Variants in HYDIN observed in about 807,000 individuals in gnomAD.
HYDIN encodes the protein axonemal central pair apparatus protein HYDIN.
HYDIN carries 132 observed loss-of-function variants against 403.9 expected under a neutral mutation model. The ratio of observed to expected loss-of-function variants is 0.33; its 90% CI spans 0.28 to 0.38. HYDIN has a LOEUF of 0.38. Ranked by LOEUF, HYDIN falls within the 10% of genes least tolerant of loss-of-function variation. The probability of loss-of-function intolerance (pLI) is 1.00; values close to 1 mark genes in which losing one functional copy is unlikely to be tolerated. For missense variants in HYDIN, 2,827 were observed against 5,009.5 expected (o/e 0.56, Z 13.15); for synonymous variants, 1,202 against 1,891.7 (o/e 0.64, Z 9.46).
intron 5 of HYDIN, among the ~76,000 whole-genome samples, chr16:71,171,199 C>T (rs897517237): frequency 1.3e-5 from 2 of 152,164 alleles, no homozygotes; most frequent in African/African-American, 2.4e-5. Context: ...TTGCTGTTCC[C>T]GCTCCTAGAC....
At chr16:71,145,446 G>A (rs2085331260) in intron 7 of HYDIN, among the ~76,000 whole-genome samples, 1 of 151,878 alleles carries the variant, frequency 6.6e-6, no homozygotes, top group Non-Finnish European at 1.5e-5. Flanking sequence ...GTAGAGATGG[G>A]GTTTCACCAT....
chr16:71,227,683 A>T (rs755699708), intron 1 of HYDIN, among the ~76,000 whole-genome samples: 2 of 152,270 alleles, frequency 1.3e-5, no homozygotes, highest in Non-Finnish European at 2.9e-5. Flanking sequence ...ATGGAAGAAC[A>T]TTCCATGCTC....
intron 62 of HYDIN, among the ~76,000 whole-genome samples, chr16:70,878,053 C>T (rs1343570061): frequency 6.6e-6 from 1 of 152,182 alleles, no homozygotes; most frequent in Non-Finnish European, 1.5e-5. Flanking sequence ...CAAGTCTCAT[C>T]TTGAATTGTA....
rs1459010616 is a variant in HYDIN, at chr16:70,947,334, T to G, written c.6532-3385A>C. Among the ~76,000 whole-genome samples, 4 of 150,950 alleles carry G rather than the reference T, an allele frequency of 2.6e-5. No individual in the cohort carries two copies. In the East Asian group the frequency reaches 5.8e-4, roughly 22 times the overall value. Reference sequence around the variant, plus strand: ...TGTCTTTGGTTCTGTTTATATGCTGTATTACATTTACTGATTTGCGTATAT... The same window carrying G: ...TGTCTTTGGTTCTGTTTATATGCTGGATTACATTTACTGATTTGCGTATAT... On this transcript the variant is annotated intron_variant, in intron 41 of 85. Transcript: ENST00000393567.
rs957810065 is a variant in HYDIN at position 71,059,363 on chromosome 16, G to T, written c.2529+1141C>A. On this transcript the variant is annotated intron_variant, in intron 18 of 85. Transcript: ENST00000393567. ...AGTTTCAATCTCCTGCATATGACTA[G>T]CCAGTTATGCAAATGCCATTTATTG... 2.0e-5 allele frequency among the ~76,000 whole-genome samples: 3 copies of T among 152,076 alleles called. No individual in the cohort carries two copies. In the East Asian group the frequency reaches 5.8e-4, roughly 29 times the overall value.
Position 70,920,613 on chromosome 16 carries a change from T to C in HYDIN, c.7763A>G (p.Asp2588Gly). ...TACCTGCTCTCCTTTGGGAAGCTTGTCGCTCTCTAGGGCCTGCTTCCAGCT... is the reference window on the plus strand; with the variant it reads ...TACCTGCTCTCCTTTGGGAAGCTTGCCGCTCTCTAGGGCCTGCTTCCAGCT... ...GLSWKQALES[D>G]KLPKGEQILD... Residue 2588 changes from aspartate to glycine, a missense_variant, in exon 46 of 86, where the codon GAC becomes GGC. Physicochemically the swap from Asp to Gly is moderately conservative, Grantham distance 94 (BLOSUM62 -1). Transcript: ENST00000393567. 2 of 1,613,612 alleles carry C rather than the reference T, an allele frequency of 1.2e-6. No homozygotes were observed. The highest frequency in any genetic ancestry group is 1.7e-5 in the Admixed American group (1 of 59,976).
At position 71,115,569 on chromosome 16, in the gene HYDIN, T is replaced by C. The variant is rs554777836; in HGVS notation, c.1327+127A>G. On this transcript the variant is annotated intron_variant, in intron 10 of 85. Coordinates refer to ENST00000393567, the MANE Select transcript of HYDIN (RefSeq NM_001270974.2). ...TCCATAATTCCCCTAATCAATATAATCAATATCATGTACCGCCCATGGCAT... is the reference window on the plus strand; with the variant it reads ...TCCATAATTCCCCTAATCAATATAACCAATATCATGTACCGCCCATGGCAT... 2.8e-5 allele frequency: 16 copies of C among 581,684 alleles called. No homozygotes were observed. The African/African-American group carries it at 3.0e-4, about 11-fold the overall frequency. The allele number at this position is 581,684 out of a possible 1,614,324, so 36.0% of individuals were successfully genotyped here. A position where few individuals can be genotyped will look rare whatever the true frequency, so the allele number is the denominator to read the frequency against.
intron 13 of HYDIN, among the ~76,000 whole-genome samples, chr16:71,073,253 A>G (rs1003553596): frequency 2.0e-5 from 3 of 152,040 alleles, no homozygotes; most frequent in Admixed American, 6.5e-5. Flanking sequence ...ATTTTGCCAT[A>G]TTACTCCTTG....
intron 23 of HYDIN, among the ~76,000 whole-genome samples, chr16:71,011,867 C>T (rs1169449590): frequency 3.3e-5 from 5 of 151,338 alleles, no homozygotes; most frequent in African/African-American, 2.4e-5. Flanking sequence ...GGCTGGCTGG[C>T]GCTCATCATA....
chr16:71,076,507 C>G (rs2082631673), intron 13 of HYDIN, among the ~76,000 whole-genome samples: 1 of 115,280 alleles, frequency 8.7e-6, no homozygotes, highest in Non-Finnish European at 1.6e-5. Flanking sequence ...TGCCCCCCAA[C>G]TCCTGCCATG....
At position 70,862,173 on chromosome 16, in the gene HYDIN, C is replaced by G. The variant is rs768712785; in HGVS notation, c.11652G>C (p.Glu3884Asp). Residue 3884 changes from glutamate (E) to aspartate (D), a missense_variant, in exon 69 of 86, where the codon GAG becomes GAC. Glu to Asp is a conservative substitution (Grantham distance 45, BLOSUM62 2). Transcript: ENST00000393567. ...TLDSTMDHWAEGSPQPFSVEP... is the reference protein window; with the variant it reads ...TLDSTMDHWADGSPQPFSVEP... ...CCACAGAGAAGGGCTGTGGGGAACCCTCGGCCCAGTGGTCCATGGTGCTGT... is the reference window on the plus strand; with the variant it reads ...CCACAGAGAAGGGCTGTGGGGAACCGTCGGCCCAGTGGTCCATGGTGCTGT... The G allele has an allele frequency of 8.7e-6, 14 of 1,613,318 alleles. No individual in the cohort carries two copies. Among genetic ancestry groups the G allele is most frequent in the Non-Finnish European group, 1.2e-5 (14 of 1,179,786 alleles).
At chr16:71,004,177 G>A (rs186723258) in intron 23 of HYDIN, among the ~76,000 whole-genome samples, 7 of 152,060 alleles carry the variant, frequency 4.6e-5, no homozygotes, top group East Asian at 3.9e-4. Context: ...AGCCAGGTAC[G>A]GTGGCGCATG....
intron 40 of HYDIN, among the ~76,000 whole-genome samples, chr16:70,954,571 C>A (rs113596513): frequency 1.3e-5 from 2 of 151,998 alleles, no homozygotes; most frequent in East Asian, 3.9e-4. Flanking sequence ...TATCTAGGTA[C>A]ATGACATCGC....
At chr16:70,816,010 G>A (rs918933419) in intron 84 of HYDIN, among the ~76,000 whole-genome samples, 2 of 151,706 alleles carry the variant, frequency 1.3e-5, no homozygotes, top group African/African-American at 4.8e-5. Context: ...TCGGGAGGCT[G>A]AGGCAAGAGC....
At chr16:70,902,794 A>AATATATATATATAT (rs1264288990) in intron 52 of HYDIN, among the ~76,000 whole-genome samples, 45 of 61,096 alleles carry the variant, frequency 7.4e-4, no homozygotes, top group Middle Eastern at 8.5e-3. Flanking sequence ...CTACTCTTTA[A>AATATATATATATAT]ATATATATAT....
intron 58 of HYDIN, among the ~76,000 whole-genome samples, chr16:70,886,219 T>C (rs532618620): frequency 6.6e-6 from 1 of 152,160 alleles, no homozygotes; most frequent in East Asian, 1.9e-4. Context: ...TCAATTTTTC[T>C]AGAGTCTATC....
intron 83 of HYDIN, among the ~76,000 whole-genome samples, chr16:70,819,869 G>A (rs1478883707): frequency 1.3e-5 from 2 of 151,730 alleles, no homozygotes; most frequent in South Asian, 2.1e-4. Context: ...GTGCAGTGGC[G>A]CCATCTCAGC....
At chr16:71,025,782 G>A (rs1289886399) in intron 20 of HYDIN, among the ~76,000 whole-genome samples, 2 of 150,280 alleles carry the variant, frequency 1.3e-5, no homozygotes, top group African/African-American at 4.9e-5. Context: ...ATTCAGTTCT[G>A]GGAGTAAAAA....
intron 1 of HYDIN, among the ~76,000 whole-genome samples, chr16:71,202,427 A>G (rs915739877): frequency 7.2e-5 from 11 of 152,194 alleles, no homozygotes; most frequent in Non-Finnish European, 1.6e-4. Flanking sequence ...CATCAAATCA[A>G]TGAAGGCTTA....
Sources: allele counts gnomAD v4.1 joint callset (sites outside exome capture counted in the v4.1 genomes callset), GRCh38; gene constraint gnomAD v4.1.1; transcripts MANE v1.5; gene names NCBI Gene and HGNC (gene_info 2026-07-23, HGNC 2026-07-21).